Variants in GRIP2 observed in about 807,000 individuals in gnomAD.
GRIP2 encodes glutamate receptor-interacting protein 2.
GRIP2 carries 58 observed loss-of-function variants against 108.3 expected under a neutral mutation model. That is an observed-to-expected ratio of 0.54 (90% CI 0.43 to 0.67). GRIP2 has a LOEUF of 0.67. Ranked by LOEUF, GRIP2 falls within the 30% of genes least tolerant of loss-of-function variation. The pLI is 0.00. For missense variants in GRIP2, 1,278 were observed against 1,430.6 expected (o/e 0.89, Z 1.72); for synonymous variants, 586 against 598.2 (o/e 0.98, Z 0.30).
At chr3:14,506,195 T>G (rs1374312341) in intron 19 of GRIP2, among the ~76,000 whole-genome samples, 3 of 152,214 alleles carry the variant, frequency 2.0e-5, no homozygotes, top group African/African-American at 7.2e-5. Context: ...AAGAACGGGC[T>G]GGCAGCCACC....
At position 14,493,810 on chromosome 3, in the gene GRIP2, G is replaced by A; in HGVS notation, c.2987C>T (p.Thr996Ile). 1.2e-6 allele frequency: 2 copies of A among 1,612,838 alleles called. No homozygotes were observed. Among genetic ancestry groups the A allele is most frequent in the Non-Finnish European group, 1.7e-6 (2 of 1,179,124 alleles). Residue 996 changes from threonine (T) to isoleucine (I), a missense_variant, in exon 24 of 24, where the codon ACA (threonine) becomes ATA (isoleucine). Coordinates refer to ENST00000621039, the MANE Select transcript of GRIP2 (RefSeq NM_001080423.4). Reference sequence around the variant, plus strand: ...CGCCAGGCAGCAGTCGAAGTCCCGTGTACGGACGTGGTTGACCTGCATGGG... The same window carrying A: ...CGCCAGGCAGCAGTCGAAGTCCCGTATACGGACGTGGTTGACCTGCATGGG... ...DRVLQVNHVR[T>I]RDFDCCLAVP... is the part of the protein sequence containing the mutation.
intron 1 of GRIP2, among the ~76,000 whole-genome samples, chr3:14,529,020 C>T (rs1245612450): frequency 6.6e-6 from 1 of 151,938 alleles, no homozygotes; most frequent in African/African-American, 2.4e-5. Flanking sequence ...CCTGTAATCC[C>T]AGCACTTTGG....
rs1693533223 is a variant in GRIP2, at chr3:14,494,750, C to A, written c.2970+93G>T. The stretch of plus-strand genomic sequence containing the variant: ...CCTGACTCAGACTTGCATTGTCCTG[C>A]CCTCTTCACAGGCGATAGATGCAGG... On this transcript the variant is annotated intron_variant, in intron 23 of 23. Transcript: ENST00000621039. The A allele has an allele frequency of 4.2e-6, 6 of 1,433,152 alleles. No individual in the cohort carries two copies. In the South Asian group the frequency reaches 8.6e-5, roughly 20 times the overall value. 88.8% of individuals were successfully genotyped at this position (1,433,152 alleles called of 1,614,324 possible).
At chr3:14,564,388 C>T in the GRIP2 span, among the ~76,000 whole-genome samples, 23 of 152,348 alleles carry the variant, frequency 1.5e-4, no homozygotes, top group Admixed American at 9.1e-4. Context: ...AGCCAGGCCA[C>T]GGCAGTGCCG....
At chr3:14,573,692 G>T in the GRIP2 span, 1 of 1,432,372 alleles carries the variant, frequency 7.0e-7, no homozygotes, top group Non-Finnish European at 9.8e-7. Flanking sequence ...TTCTGGTGCA[G>T]ATCGGCCACT....
intron 1 of GRIP2, among the ~76,000 whole-genome samples, chr3:14,539,299 A>C (rs1016531793): frequency 1.3e-5 from 2 of 152,170 alleles, no homozygotes; most frequent in African/African-American, 4.8e-5. Flanking sequence ...TATTATGATT[A>C]TGAGTGTTAT....
intron 1 of GRIP2, among the ~76,000 whole-genome samples, chr3:14,551,485 G>A (rs1282667428): frequency 2.0e-5 from 3 of 152,204 alleles, no homozygotes; most frequent in African/African-American, 7.2e-5. Context: ...ACAGAGGATG[G>A]GGTATGGATG....
intron 1 of GRIP2, among the ~76,000 whole-genome samples, chr3:14,551,765 T>C (rs1242732078): frequency 6.6e-6 from 1 of 152,124 alleles, no homozygotes; most frequent in East Asian, 1.9e-4. Context: ...GGGTGAAATG[T>C]TTGGACTTGG....
At chr3:14,572,889 T>C in the GRIP2 span, 2 of 1,266,354 alleles carry the variant, frequency 1.6e-6, no homozygotes, top group South Asian at 2.4e-5. Flanking sequence ...CTCGCAGAAA[T>C]TATCAGTGAA....
the GRIP2 span, among the ~76,000 whole-genome samples, chr3:14,590,434 C>A: frequency 6.6e-6 from 1 of 152,130 alleles, no homozygotes; most frequent in Non-Finnish European, 1.5e-5. Context: ...TTTTTATTTT[C>A]CAATTTTTCA....
chr3:14,548,237 G>A (rs982549238), intron 1 of GRIP2, among the ~76,000 whole-genome samples: 3 of 152,212 alleles, frequency 2.0e-5, no homozygotes, highest in African/African-American at 4.8e-5. Context: ...GGCTAGGCAC[G>A]CAGGGCCGGG....
the GRIP2 span, chr3:14,573,104 G>T: frequency 5.3e-5 from 75 of 1,422,362 alleles, no homozygotes; most frequent in Middle Eastern, 7.1e-4. Flanking sequence ...CCGAAATGTG[G>T]GCAAAGTTGT....
rs371958645 is a variant in GRIP2 at position 14,512,807 on chromosome 3, G to A, written c.1690C>T (p.Arg564Cys). Residue 564 changes from arginine (R) to cysteine (C), a missense_variant, in exon 14 of 24, where the codon CGC (arginine) becomes TGC (cysteine). By Grantham distance (180) the Arg-to-Cys change is radical. Transcript: ENST00000621039. The surrounding 1 kb of genome is among the most constrained non-coding windows in gnomAD (Gnocchi z 5.1). ...ATGGTGATGCCCAGCTCCACGCTGC[G>A]CTTCTTGGGCAGCTTCACGTGGAAG... ...GTFHVKLPKK[R>C]SVELGITISS... 3.2e-5 allele frequency: 51 copies of A among 1,613,672 alleles called. No homozygotes were observed. In the Middle Eastern group the frequency reaches 8.3e-4, roughly 26 times the overall value.
upstream of GRIP2, among the ~76,000 whole-genome samples, chr3:14,556,525 C>A (rs1284055308): frequency 1.3e-5 from 2 of 152,192 alleles, no homozygotes; most frequent in Non-Finnish European, 2.9e-5. Context: ...GAGACAAGGA[C>A]AAGAGTCCAC....
At chr3:14,525,954 G>T (rs1434724344) in intron 1 of GRIP2, 23 bp from the exon 2 acceptor site, 1 of 1,547,122 alleles carries the variant, frequency 6.5e-7, no homozygotes, top group Non-Finnish European at 8.8e-7. Context: ...AAGAGGGAAA[G>T]GCCGAGTTCC....
rs747702732 is a variant in GRIP2, at chr3:14,493,827, CTGCA to C, written c.2971-5_2971-2del. The C allele has an allele frequency of 1.3e-5, 21 of 1,610,012 alleles. No individual in the cohort carries two copies. In the African/African-American group the frequency reaches 2.3e-4, roughly 17 times the overall value. ...AGTCCCGTGTACGGACGTGGTTGAC[CTGCA>C]TGGGGCACAAGCAAGGGAACAGAAC... is the stretch of plus-strand genomic sequence containing the variant. On this transcript the variant is annotated splice_acceptor_variant and splice_polypyrimidine_tract_variant and intron_variant, in intron 23 of 23. Transcript: ENST00000621039. LOFTEE classifies it high-confidence loss of function.
In GRIP2 at chr3:14,511,134, T is replaced by C; in HGVS notation, c.1933+31A>G. The C allele has an allele frequency of 6.2e-7, 1 of 1,611,476 alleles. No homozygotes were observed. The highest frequency in any genetic ancestry group is 8.5e-7 in the Non-Finnish European group (1 of 1,178,562). On this transcript the variant is annotated intron_variant, in intron 16 of 23. Transcript: ENST00000621039. This position sits in a 1 kb window ranked among gnomAD's most constrained non-coding sequence, Gnocchi z 4.1. The stretch of plus-strand genomic sequence containing the variant: ...ACCCGCTAGTCAAAGGGTGGGCCTC[T>C]GGAGGTAGGAGGCCAGCATGAGGGC...
upstream of GRIP2, among the ~76,000 whole-genome samples, chr3:14,543,821 T>C (rs1695017045): frequency 6.6e-6 from 1 of 152,344 alleles, no homozygotes; most frequent in East Asian, 1.9e-4. Flanking sequence ...GCCCTGACAC[T>C]TCCATGTCCC....
intron 7 of GRIP2, 155 bp from the exon 8 acceptor site, chr3:14,520,692 A>G (rs1341656456): frequency 5.3e-6 from 4 of 749,112 alleles, no homozygotes; most frequent in Non-Finnish European, 8.5e-6. Flanking sequence ...TTCTTTTTTT[A>G]TCTTCTACCA....
Sources: allele counts gnomAD v4.1 joint callset (sites outside exome capture counted in the v4.1 genomes callset), GRCh38; gene constraint gnomAD v4.1.1; non-coding constraint Gnocchi (gnomAD v3.1); transcripts MANE v1.5; gene names NCBI Gene and HGNC (gene_info 2026-07-23, HGNC 2026-07-21).